NRBF2: variants seen among roughly 807,000 people sequenced by gnomAD.
NRBF2 encodes the protein nuclear receptor binding factor 2.
NRBF2 carries 12 observed loss-of-function variants against 28.5 expected under a neutral mutation model. That is an observed-to-expected ratio of 0.42 (90% CI 0.27 to 0.68). The LOEUF is 0.68. Ranked by LOEUF, NRBF2 falls within the 30% of genes least tolerant of loss-of-function variation. The pLI is 0.24. For missense variants in NRBF2, 274 were observed against 333.5 expected (o/e 0.82, Z 1.39); for synonymous variants, 102 against 116.5 (o/e 0.88, Z 0.80).
chr10:63,140,184 T>C (rs1841441786), intron 1 of NRBF2, among the ~76,000 whole-genome samples: 1 of 152,132 alleles, frequency 6.6e-6, no homozygotes, highest in South Asian at 2.1e-4. Flanking sequence ...AATATAGTTC[T>C]ATACTATAGT....
chr10:63,151,954 G>A (rs1200537757), intron 2 of NRBF2, among the ~76,000 whole-genome samples, 196 bp from the exon 3 acceptor site: 3 of 152,224 alleles, frequency 2.0e-5, no homozygotes, highest in African/African-American at 7.2e-5. Flanking sequence ...TTCAAGATAG[G>A]GTAGGGAATA....
At chr10:63,138,903 T>C (rs1841419032) in intron 1 of NRBF2, among the ~76,000 whole-genome samples, 1 of 151,994 alleles carries the variant, frequency 6.6e-6, no homozygotes, top group Non-Finnish European at 1.5e-5. Flanking sequence ...AAAGGGGGAG[T>C]GAGTGAGGTT....
chr10:63,135,803 C>T (rs915457386), intron 1 of NRBF2, among the ~76,000 whole-genome samples: 1 of 151,890 alleles, frequency 6.6e-6, no homozygotes, highest in African/African-American at 2.4e-5. Flanking sequence ...CGCGCCGCCA[C>T]GCCCAGCTAA....
intron 1 of NRBF2, among the ~76,000 whole-genome samples, chr10:63,144,631 T>C (rs940433832): frequency 1.3e-5 from 2 of 152,076 alleles, no homozygotes; most frequent in African/African-American, 2.4e-5. Context: ...TTAGCCAAGA[T>C]GGTCTCGATC....
At chr10:63,153,414 G>A in intron 3 of NRBF2, 97 bp from the exon 4 acceptor site, 1 of 911,540 alleles carries the variant, frequency 1.1e-6, no homozygotes, top group South Asian at 1.8e-5. Flanking sequence ...AATTGTAAGT[G>A]TTGGGTTATT....
At chr10:63,148,959 A>G (rs1324013226) in intron 2 of NRBF2, among the ~76,000 whole-genome samples, 1 of 152,224 alleles carries the variant, frequency 6.6e-6, no homozygotes, top group Non-Finnish European at 1.5e-5. Context: ...GATGGATTTG[A>G]TGAATATTTT....
chr10:63,143,431 A>T (rs1841505501), intron 1 of NRBF2, among the ~76,000 whole-genome samples: 1 of 152,208 alleles, frequency 6.6e-6, no homozygotes, highest in Admixed American at 6.5e-5. Context: ...CATCCAAGAC[A>T]AATCATTTTT....
In NRBF2 at chr10:63,138,471, G is replaced by A. The variant is rs572519756; in HGVS notation, c.30+4971G>A. On this transcript the variant is annotated intron_variant, in intron 1 of 3. Transcript: ENST00000277746. ...TGCACTGCAGCCTGAGCGACTGAGC[G>A]AGACCTTGTCGCAAAAAAAAAAAAA... Among the ~76,000 whole-genome samples, 27 of 148,772 alleles carry A rather than the reference G, an allele frequency of 1.8e-4. No homozygotes were observed. The South Asian group carries it at 3.8e-3, about 21-fold the overall frequency.
rs1177269434 is a variant in NRBF2, at chr10:63,146,190, A to G, written c.31-19A>G. On this transcript the variant is annotated intron_variant, in intron 1 of 3. Transcript: ENST00000277746. ...TTTATTTTATGATCCAGAGGAACTTAGGGATGTTTGTCTTCTAGGCTCATC... is the reference window on the plus strand; with the variant it reads ...TTTATTTTATGATCCAGAGGAACTTGGGGATGTTTGTCTTCTAGGCTCATC... 2 of 1,595,972 alleles carry G rather than the reference A, an allele frequency of 1.3e-6. No homozygotes were observed. Among genetic ancestry groups the G allele is most frequent in the Admixed American group, 1.7e-5 (1 of 59,884 alleles).
At chr10:63,148,468 CTTA>C (rs1196676761) in intron 2 of NRBF2, among the ~76,000 whole-genome samples, 4 of 152,058 alleles carry the variant, frequency 2.6e-5, no homozygotes, top group South Asian at 2.1e-4. Context: ...AAGGAAGCAA[CTTA>C]TTATTTGGAA....
Position 63,153,586 on chromosome 10 carries a change from G to A in NRBF2, c.232G>A (p.Ala78Thr). 1 of 1,611,924 alleles carries A rather than the reference G, an allele frequency of 6.2e-7. No homozygotes were observed. Among genetic ancestry groups the A allele is most frequent in the East Asian group, 2.2e-5 (1 of 44,868 alleles). ...CCTCATCCAAGAGAGATGGAAAAGG[G>A]CCCAGCGTGAAGAAAGATTGAAAGC... ...LLLIQERWKRAQREERLKAQQ... is the reference protein window; with the variant it reads ...LLLIQERWKRTQREERLKAQQ... The change falls in exon 4 of 4, where the codon GCC (alanine) becomes ACC (threonine). Residue 78 changes from alanine to threonine, a missense_variant. By Grantham distance (58) the Ala-to-Thr change is moderately conservative. Transcript: ENST00000277746.
rs1415463736 is a variant in NRBF2, at chr10:63,142,312, T to TG, written c.31-3897_31-3896insG. ...ACCTTTGTTTTTTTTGTTTTTTTTG[T>TG]TTTTTTTTGAGATGGAGTTTCACTC... is the stretch of plus-strand genomic sequence containing the variant. On this transcript the variant is annotated intron_variant, in intron 1 of 3. Coordinates refer to ENST00000277746, the MANE Select transcript of NRBF2 (RefSeq NM_030759.5). Among the ~76,000 whole-genome samples, 246 of 146,536 alleles carry TG rather than the reference T, an allele frequency of 1.7e-3. 1 individual carries two copies. The highest frequency in any genetic ancestry group is 3.6e-3 in the Middle Eastern group (1 of 280).
At chr10:63,147,893 A>G (rs1841589693) in intron 2 of NRBF2, among the ~76,000 whole-genome samples, 1 of 152,164 alleles carries the variant, frequency 6.6e-6, no homozygotes, top group South Asian at 2.1e-4. Flanking sequence ...GGCTTTGTAC[A>G]GTATTAAACA....
rs911541253 is a variant in NRBF2, at chr10:63,140,678, G to T, written c.31-5531G>T. Among the ~76,000 whole-genome samples, 8 of 150,372 alleles carry T rather than the reference G, an allele frequency of 5.3e-5. No homozygotes were observed. In the East Asian group the frequency reaches 1.6e-3, roughly 30 times the overall value. ...GCCTCACAGAGCGCTGGGATTATAG[G>T]CATGAACCTCCGTGCCCAGCCTATT... On this transcript the variant is annotated intron_variant, in intron 1 of 3. Transcript: ENST00000277746.
intron 1 of NRBF2, among the ~76,000 whole-genome samples, chr10:63,133,998 C>CACTTCCCCCTCCTCACCCTT (rs1564527682): frequency 7.5e-5 from 10 of 133,694 alleles, no homozygotes; most frequent in African/African-American, 2.0e-4. Flanking sequence ...TCCTCACCCT[C>CACTTCCCCCTCCTCACCCTT]CACTTCCCCC....
intron 1 of NRBF2, among the ~76,000 whole-genome samples, chr10:63,140,638 A>T (rs1841449210): frequency 6.6e-6 from 1 of 151,400 alleles, no homozygotes; most frequent in African/African-American, 2.4e-5. Context: ...GGTCTCAAGC[A>T]GCCCTCCCAC....
intron 1 of NRBF2, among the ~76,000 whole-genome samples, chr10:63,141,560 A>G (rs567155429): frequency 1.3e-5 from 2 of 152,380 alleles, no homozygotes; most frequent in African/African-American, 2.4e-5. Flanking sequence ...AACGAGGGCT[A>G]TATCGAGTAT....
intron 1 of NRBF2, among the ~76,000 whole-genome samples, chr10:63,144,566 C>G (rs1403377580): frequency 6.6e-6 from 1 of 151,998 alleles, no homozygotes; most frequent in Non-Finnish European, 1.5e-5. Context: ...AGGTGCCCCC[C>G]ACCACGCCTG....
intron 2 of NRBF2, among the ~76,000 whole-genome samples, chr10:63,146,628 A>C (rs909726621): frequency 1.3e-5 from 2 of 152,248 alleles, no homozygotes; most frequent in Non-Finnish European, 2.9e-5. Context: ...TGGCCATTTC[A>C]GGTTCTAAAA....
Sources: allele counts gnomAD v4.1 joint callset (sites outside exome capture counted in the v4.1 genomes callset), GRCh38; gene constraint gnomAD v4.1.1; transcripts MANE v1.5; gene names NCBI Gene and HGNC (gene_info 2026-07-23, HGNC 2026-07-21).